The following CSMD1 variants were observed in gnomAD, a reference collection of about 807,000 sequenced individuals.
The protein encoded by CSMD1 is CUB and sushi domain-containing protein 1.
CSMD1 carries 213 observed loss-of-function variants against 417.5 expected under a neutral mutation model. The observed-to-expected ratio is 0.51, with a 90% CI of 0.46 to 0.57. The LOEUF (loss-of-function observed/expected upper bound fraction) is 0.57, where lower values mean the gene tolerates loss of function less well. Ranked by LOEUF, CSMD1 falls within the 20% of genes least tolerant of loss-of-function variation. The probability of loss-of-function intolerance (pLI) is 0.00; values close to 1 mark genes in which losing one functional copy is unlikely to be tolerated. For missense variants in CSMD1, 6,923 were observed against 4,529.7 expected, an observed-to-expected ratio of 1.53 and a Z score of -15.17; for synonymous variants, 2,862 against 1,736.8, an observed-to-expected ratio of 1.65 and a Z score of -16.11.
intron 3 of CSMD1, among the ~76,000 whole-genome samples, chr8:4,406,305 T>C (rs1805016705): frequency 1.3e-5 from 2 of 152,096 alleles, no homozygotes; most frequent in African/African-American, 2.4e-5. Flanking sequence ...CCCTTTGCAA[T>C]TGGGCTTCCA....
chr8:4,216,377 C>G (rs934641384), intron 3 of CSMD1, among the ~76,000 whole-genome samples: 1 of 152,156 alleles, frequency 6.6e-6, no homozygotes, highest in Non-Finnish European at 1.5e-5. Flanking sequence ...GGTGCACACA[C>G]CATCAGAATA....
chr8:4,754,716 G>A (rs995735969), intron 1 of CSMD1, among the ~76,000 whole-genome samples: 1 of 152,040 alleles, frequency 6.6e-6, no homozygotes, highest in African/African-American at 2.4e-5. Context: ...AAGCATGGTG[G>A]TGGGCGCCTG....
At chr8:4,483,479 C>T (rs766473724) in intron 2 of CSMD1, among the ~76,000 whole-genome samples, 21 of 152,196 alleles carry the variant, frequency 1.4e-4, no homozygotes, top group Admixed American at 8.5e-4. Flanking sequence ...GACTTCTAAT[C>T]GATAAAGCAA....
rs545077500 is a variant in CSMD1, at chr8:4,779,706, C to G, written c.86-142148G>C. 1.4e-4 allele frequency among the ~76,000 whole-genome samples: 21 copies of G among 152,180 alleles called. No homozygotes were observed. In the South Asian group the frequency reaches 4.1e-3, roughly 30 times the overall value. ...ATTTCATCACTGAAAAATCCAGACA[C>G]GAATGTATAAAACCAAAGGAAAGTG... On this transcript the variant is annotated intron_variant, in intron 1 of 69. Coordinates refer to ENST00000635120, the MANE Select transcript of CSMD1 (RefSeq NM_033225.6).
At chr8:4,400,984 C>T (rs903708543) in intron 3 of CSMD1, among the ~76,000 whole-genome samples, 2 of 152,038 alleles carry the variant, frequency 1.3e-5, no homozygotes, top group East Asian at 3.9e-4. Context: ...AGTATTTTAA[C>T]AGGTGTTTCT....
intron 3 of CSMD1, among the ~76,000 whole-genome samples, chr8:4,406,288 A>G (rs1410988395): frequency 6.6e-6 from 1 of 152,148 alleles, no homozygotes; most frequent in Non-Finnish European, 1.5e-5. Context: ...AATTCAAACA[A>G]AACAAACCCT....
chr8:4,919,327 C>A (rs1373003409), intron 1 of CSMD1, among the ~76,000 whole-genome samples: 1 of 152,140 alleles, frequency 6.6e-6, no homozygotes, highest in African/African-American at 2.4e-5. Flanking sequence ...ATGTTAAATT[C>A]TTCCTTACTA....
intron 10 of CSMD1, among the ~76,000 whole-genome samples, chr8:3,547,691 AT>A (rs1325160345): frequency 1.3e-5 from 2 of 152,180 alleles, no homozygotes; most frequent in African/African-American, 4.8e-5. Context: ...TTGGAGTTAA[AT>A]CTACTAAGCC....
chr8:3,898,383 G>C (rs189775429), intron 5 of CSMD1, among the ~76,000 whole-genome samples: 1 of 152,278 alleles, frequency 6.6e-6, no homozygotes, highest in East Asian at 1.9e-4. Flanking sequence ...GTTATGGGGA[G>C]AAAGAAAAGT....
chr8:3,953,239 A>C (rs971706159), intron 5 of CSMD1, among the ~76,000 whole-genome samples: 1 of 152,156 alleles, frequency 6.6e-6, no homozygotes, highest in East Asian at 1.9e-4. Flanking sequence ...TATATAACTG[A>C]TATAGGAGTT....
At chr8:3,726,702 T>C (rs375177435) in intron 6 of CSMD1, among the ~76,000 whole-genome samples, 1 of 152,160 alleles carries the variant, frequency 6.6e-6, no homozygotes, top group African/African-American at 2.4e-5. Context: ...ACGAGGTGTA[T>C]ATTTACCTAT....
intron 3 of CSMD1, among the ~76,000 whole-genome samples, chr8:4,238,977 C>A (rs1490316909): frequency 6.6e-6 from 1 of 152,196 alleles, no homozygotes; most frequent in Admixed American, 6.5e-5. Context: ...CCCAGAGTCC[C>A]ATTTTCCTGC....
chr8:4,803,078 A>C (rs1052704710), intron 1 of CSMD1, among the ~76,000 whole-genome samples: 5 of 152,204 alleles, frequency 3.3e-5, no homozygotes, highest in Non-Finnish European at 5.9e-5. Flanking sequence ...ATTGTGTTAC[A>C]GAAAAGTACA....
At chr8:3,913,216 T>C (rs568629754) in intron 5 of CSMD1, among the ~76,000 whole-genome samples, 5 of 152,050 alleles carry the variant, frequency 3.3e-5, no homozygotes, top group Non-Finnish European at 5.9e-5. Context: ...AGAACAGATA[T>C]CAGGGTTGGA....
At chr8:3,690,719 T>C (rs554865703) in intron 7 of CSMD1, among the ~76,000 whole-genome samples, 3 of 152,324 alleles carry the variant, frequency 2.0e-5, no homozygotes, top group African/African-American at 7.2e-5. Context: ...TGATACATCT[T>C]TGCCACAGTT....
intron 3 of CSMD1, among the ~76,000 whole-genome samples, chr8:4,259,938 T>A (rs1049456924): frequency 6.6e-6 from 1 of 152,214 alleles, no homozygotes; most frequent in African/African-American, 2.4e-5. Flanking sequence ...TTATATCCAT[T>A]TTGCTAACAA....
At chr8:3,888,510 G>C (rs190603406) in intron 5 of CSMD1, among the ~76,000 whole-genome samples, 1 of 152,270 alleles carries the variant, frequency 6.6e-6, no homozygotes, top group African/African-American at 2.4e-5. Flanking sequence ...AACACAAAGC[G>C]CTTTGCTGGC....
At position 4,637,336 on chromosome 8, in the gene CSMD1, C is replaced by A; in HGVS notation, c.302+6G>T. 5.6e-6 allele frequency: 9 copies of A among 1,602,386 alleles called. No homozygotes were observed. The highest frequency in any genetic ancestry group is 2.2e-5 in the East Asian group (1 of 44,802). ...CTAACTGTAATATAAAAAGTTGATA[C>A]CTTACCTCACTTTTAAATTCCCTTG... is the stretch of plus-strand genomic sequence containing the variant. On this transcript the variant is annotated splice_donor_region_variant and intron_variant, in intron 2 of 69. Coordinates refer to ENST00000635120, the MANE Select transcript of CSMD1 (RefSeq NM_033225.6).
intron 1 of CSMD1, among the ~76,000 whole-genome samples, chr8:4,703,981 G>C (rs960644697): frequency 6.6e-6 from 1 of 152,152 alleles, no homozygotes; most frequent in Non-Finnish European, 1.5e-5. Context: ...TTCACAGTAG[G>C]TTTCATGCTA....
Sources: allele counts gnomAD v4.1 joint callset (sites outside exome capture counted in the v4.1 genomes callset), GRCh38; gene constraint gnomAD v4.1.1; transcripts MANE v1.5; gene names NCBI Gene and HGNC (gene_info 2026-07-23, HGNC 2026-07-21).